The following APBB2 variants were observed in gnomAD, a reference collection of about 807,000 sequenced individuals.
APBB2 encodes Fe65-like 1.
A neutral mutation model predicts 82.5 loss-of-function variants in APBB2; 38 were observed. That is an observed-to-expected ratio of 0.46 (90% confidence interval 0.36 to 0.60). The LOEUF is 0.60. Among genes scored for constraint, APBB2 ranks in the 20% least tolerant of loss-of-function variants. APBB2 has a pLI of 0.00. For missense variants in APBB2, 772 were observed against 972.3 expected (o/e 0.79, Z 2.74); for synonymous variants, 341 against 368.2 (o/e 0.93, Z 0.85).
intron 1 of APBB2, among the ~76,000 whole-genome samples, chr4:41,164,914 CAT>C (rs567129921): frequency 1.3e-5 from 2 of 152,328 alleles, no homozygotes; most frequent in Non-Finnish European, 2.9e-5. Flanking sequence ...TTAAAATTAA[CAT>C]AGAGTCCATC....
At chr4:41,023,490 G>C (rs970520009) in intron 5 of APBB2, among the ~76,000 whole-genome samples, 4 of 151,954 alleles carry the variant, frequency 2.6e-5, no homozygotes, top group African/African-American at 9.7e-5. Flanking sequence ...AAAGTTTCAG[G>C]ATACAAAATC....
rs139077058 is a variant in APBB2 at position 41,062,388 on chromosome 4, A to G, written c.-51+3188T>C. ...GAAATGGGGCTTTACCATGTTGGCCAGGCTGGTCTCGAATTCCTGACCTCC... is the reference window on the plus strand; with the variant it reads ...GAAATGGGGCTTTACCATGTTGGCCGGGCTGGTCTCGAATTCCTGACCTCC... On this transcript the variant is annotated intron_variant, in intron 4 of 17. Coordinates refer to ENST00000508593, the MANE Select transcript of APBB2 (RefSeq NM_004307.2). Among the ~76,000 whole-genome samples, 1,070 of 151,946 alleles carry G rather than the reference A, an allele frequency of 7.0e-3. 6 individuals carry two copies. The highest frequency in any genetic ancestry group is 0.011 in the Non-Finnish European group (722 of 67,970).
chr4:41,125,846 T>G (rs1009959506), intron 2 of APBB2, among the ~76,000 whole-genome samples: 1 of 152,166 alleles, frequency 6.6e-6, no homozygotes, highest in African/African-American at 2.4e-5. Flanking sequence ...AGCCTTGGCT[T>G]GAAACCCTGG....
At chr4:41,199,757 G>C (rs1014374736) in intron 1 of APBB2, among the ~76,000 whole-genome samples, 3 of 152,160 alleles carry the variant, frequency 2.0e-5, no homozygotes, top group Non-Finnish European at 4.4e-5. Context: ...TCAAGTAAAA[G>C]GGTATGTTTT....
Position 40,814,261 on chromosome 4 carries a change from C to T in APBB2, c.*1831G>A, listed in dbSNP as rs1255629495. On this transcript the variant is annotated 3_prime_UTR_variant, in exon 18 of 18. Transcript: ENST00000508593. The stretch of plus-strand genomic sequence containing the variant: ...TTAGATAGGGCACCATCATGAATAC[C>T]ACTGCGTAAGGAATTTGGACATCTT... 1 of 152,182 alleles carries T rather than the reference C, an allele frequency of 6.6e-6. No individual in the cohort carries two copies. Among genetic ancestry groups the T allele is most frequent in the African/African-American group, 2.4e-5 (1 of 41,442 alleles). The allele number at this position is 152,182 out of a possible 1,614,324, so 9.4% of individuals were successfully genotyped here. A position where few individuals can be genotyped will look rare whatever the true frequency, so the allele number is the denominator to read the frequency against.
At chr4:41,210,225 G>A (rs182036371) in intron 1 of APBB2, among the ~76,000 whole-genome samples, 235 of 152,236 alleles carry the variant, frequency 1.5e-3, no homozygotes, top group Middle Eastern at 3.4e-3. Context: ...GCTCTTAAAC[G>A]AAGACCTCTC....
At chr4:41,062,497 T>C (rs1255481753) in intron 4 of APBB2, among the ~76,000 whole-genome samples, 1 of 151,952 alleles carries the variant, frequency 6.6e-6, no homozygotes, top group Non-Finnish European at 1.5e-5. Context: ...AGAAGCAAGC[T>C]ACAAAGGAGT....
intron 2 of APBB2, among the ~76,000 whole-genome samples, chr4:41,116,240 C>T (rs944029016): frequency 2.6e-5 from 4 of 152,144 alleles, no homozygotes; most frequent in African/African-American, 9.7e-5. Flanking sequence ...TGCATGTTAT[C>T]ACTCATGGGT....
intron 12 of APBB2, among the ~76,000 whole-genome samples, chr4:40,889,904 A>T (rs1397945576): frequency 6.6e-6 from 1 of 152,218 alleles, no homozygotes; most frequent in African/African-American, 2.4e-5. Context: ...TCATGATTTA[A>T]TGACCTGAGG....
At chr4:40,838,136 C>CATCATT (rs1754595945) in intron 12 of APBB2, among the ~76,000 whole-genome samples, 1 of 142,196 alleles carries the variant, frequency 7.0e-6, no homozygotes, top group Admixed American at 7.1e-5. Context: ...TTCAAGTGGG[C>CATCATT]ATTATTATTA....
chr4:41,071,421 C>A (rs1733834948), intron 3 of APBB2, among the ~76,000 whole-genome samples: 1 of 152,206 alleles, frequency 6.6e-6, no homozygotes, highest in Non-Finnish European at 1.5e-5. Context: ...TGGCTCACAC[C>A]TATAATCCTA....
intron 12 of APBB2, among the ~76,000 whole-genome samples, chr4:40,838,643 A>G: frequency 6.6e-6 from 1 of 150,884 alleles, no homozygotes; most frequent in East Asian, 1.9e-4. Flanking sequence ...CAATTTTTGT[A>G]TTTTTAGTGG....
intron 1 of APBB2, among the ~76,000 whole-genome samples, chr4:41,201,699 GAAC>G (rs1410175132): frequency 6.6e-6 from 1 of 152,084 alleles, no homozygotes; most frequent in Non-Finnish European, 1.5e-5. Context: ...GCTCTCTTTA[GAAC>G]AACATGGGCA....
At chr4:41,004,057 C>G (rs1393866395) in intron 6 of APBB2, among the ~76,000 whole-genome samples, 2 of 150,960 alleles carry the variant, frequency 1.3e-5, no homozygotes, top group Admixed American at 1.3e-4. Context: ...GAACAAATTT[C>G]TATTGTTTAT....
chr4:41,157,375 C>T (rs1052508525), intron 1 of APBB2, among the ~76,000 whole-genome samples: 1 of 152,196 alleles, frequency 6.6e-6, no homozygotes, highest in Non-Finnish European at 1.5e-5. Context: ...TGAAGGCCAA[C>T]AGGCCCTTGG....
In APBB2 at chr4:41,114,439, C is replaced by T. The variant is rs150265470; in HGVS notation, c.-260-13689G>A. 2.2e-3 allele frequency among the ~76,000 whole-genome samples: 328 copies of T among 152,208 alleles called. 1 individual carries two copies. Among genetic ancestry groups the T allele is most frequent in the African/African-American group, 7.4e-3 (307 of 41,524 alleles). ...GACAAGGATGCCCTCTCTCATCACT[C>T]GTATTCAACATAGTATTGAAAGTTC... On this transcript the variant is annotated intron_variant, in intron 2 of 17. Coordinates refer to ENST00000508593, the MANE Select transcript of APBB2 (RefSeq NM_004307.2).
At chr4:41,061,186 T>C (rs1472869) in intron 4 of APBB2, among the ~76,000 whole-genome samples, 97,046 of 152,144 alleles carry the variant, frequency 0.64, 32,754 homozygotes, top group Non-Finnish European at 0.75. Context: ...CAGTGGTGGC[T>C]GCAGTCATCC....
At chr4:40,827,882 C>T (rs1445967316) in intron 13 of APBB2, among the ~76,000 whole-genome samples, 3 of 152,112 alleles carry the variant, frequency 2.0e-5, no homozygotes, top group African/African-American at 4.8e-5. Flanking sequence ...CCCTTAATTC[C>T]GATGTGTTAT....
chr4:41,132,239 G>A (rs1756232560), intron 2 of APBB2, among the ~76,000 whole-genome samples: 1 of 152,004 alleles, frequency 6.6e-6, no homozygotes, highest in South Asian at 2.1e-4. Flanking sequence ...TCACGTCATA[G>A]AAAAATGAAC....
Sources: allele counts gnomAD v4.1 joint callset (sites outside exome capture counted in the v4.1 genomes callset), GRCh38; gene constraint gnomAD v4.1.1; transcripts MANE v1.5; gene names NCBI Gene and HGNC (gene_info 2026-07-23, HGNC 2026-07-21).